EPHA5: variants seen among roughly 807,000 people sequenced by gnomAD.
EPHA5 encodes the protein EPH receptor A5.
EPHA5 carries 60 observed loss-of-function variants against 105.0 expected under a neutral mutation model. The ratio of observed to expected loss-of-function variants is 0.57; its 90% CI spans 0.46 to 0.71. The LOEUF (loss-of-function observed/expected upper bound fraction) is 0.71, where lower values mean the gene tolerates loss of function less well. EPHA5 is among the 30% of genes least tolerant of loss of function. The pLI, the probability that EPHA5 is intolerant of heterozygous loss-of-function variation, is 0.00. For synonymous variants in EPHA5, 513 were observed against 449.1 expected (o/e 1.14, Z -1.80); for missense variants, 1,218 against 1,274.7 (o/e 0.96, Z 0.68).
chr4:65,609,606 A>G (rs1233786408), intron 2 of EPHA5, among the ~76,000 whole-genome samples: 2 of 102,062 alleles, frequency 2.0e-5, no homozygotes, highest in Non-Finnish European at 5.2e-5. Flanking sequence ...ATGGCAAGCT[A>G]GATATTTTTT....
chr4:65,428,129 G>A (rs1026619658), intron 5 of EPHA5, among the ~76,000 whole-genome samples: 6 of 151,932 alleles, frequency 3.9e-5, no homozygotes, highest in Admixed American at 2.6e-4. Flanking sequence ...TTGTTTTGGG[G>A]TACATATTAG....
chr4:65,340,143 T>C (rs1015085498), intron 14 of EPHA5, among the ~76,000 whole-genome samples: 9 of 152,102 alleles, frequency 5.9e-5, no homozygotes, highest in Non-Finnish European at 1.2e-4. Context: ...GTAGAAATAT[T>C]CTAAAAATAT....
chr4:65,573,460 TG>T, intron 3 of EPHA5: 1 of 1,243,420 alleles, frequency 8.0e-7, no homozygotes, highest in East Asian at 2.5e-5. Flanking sequence ...TCTTGCAAGA[TG>T]GCGGGTGAAA....
intron 8 of EPHA5, among the ~76,000 whole-genome samples, chr4:65,376,669 G>A (rs537332836): frequency 6.6e-6 from 1 of 152,002 alleles, no homozygotes; most frequent in South Asian, 2.1e-4. Flanking sequence ...CTACTTCCAC[G>A]TGTGACATGA....
At chr4:65,614,856 AAAGT>A in intron 2 of EPHA5, among the ~76,000 whole-genome samples, 2 of 151,990 alleles carry the variant, frequency 1.3e-5, no homozygotes, top group South Asian at 4.1e-4. Flanking sequence ...TACATATGCC[AAAGT>A]AAGTCTGAAA....
intron 2 of EPHA5, among the ~76,000 whole-genome samples, chr4:65,638,166 T>C (rs1747321530): frequency 1.3e-5 from 2 of 152,306 alleles, no homozygotes; most frequent in African/African-American, 2.4e-5. Flanking sequence ...TGAATATTCA[T>C]ACAATTGCTT....
intron 1 of EPHA5, among the ~76,000 whole-genome samples, chr4:65,652,277 C>T (rs1578695341): frequency 6.6e-6 from 1 of 152,122 alleles, no homozygotes; most frequent in Non-Finnish European, 1.5e-5. Context: ...ATAGAGAATA[C>T]TCATTAGTTC....
At chr4:65,423,315 G>GT (rs1724111139) in intron 5 of EPHA5, among the ~76,000 whole-genome samples, 1 of 151,802 alleles carries the variant, frequency 6.6e-6, no homozygotes, top group Admixed American at 6.6e-5. Context: ...GTGACATAGG[G>GT]TTTACTGTTC....
intron 5 of EPHA5, among the ~76,000 whole-genome samples, chr4:65,434,772 A>C (rs936260271): frequency 3.3e-5 from 5 of 152,182 alleles, no homozygotes; most frequent in Non-Finnish European, 7.4e-5. Flanking sequence ...TTGCTGCTTC[A>C]CATAATGTTG....
At chr4:65,576,054 G>GAAAAGA (rs1267879980) in intron 3 of EPHA5, among the ~76,000 whole-genome samples, 1 of 81,580 alleles carries the variant, frequency 1.2e-5, no homozygotes, top group African/African-American at 4.9e-5. Context: ...AAGAAAGAAA[G>GAAAAGA]AAAGAAAAGA....
At chr4:65,394,235 G>A (rs1560488676) in intron 8 of EPHA5, among the ~76,000 whole-genome samples, 1 of 152,134 alleles carries the variant, frequency 6.6e-6, no homozygotes, top group Admixed American at 6.6e-5. Context: ...TCATATTTCT[G>A]ATAGTTTCTA....
At chr4:65,335,068 C>T (rs1721040052) in intron 15 of EPHA5, among the ~76,000 whole-genome samples, 1 of 151,858 alleles carries the variant, frequency 6.6e-6, no homozygotes, top group Admixed American at 6.6e-5. Flanking sequence ...AATGTTATGT[C>T]AGAATCATAG....
At chr4:65,639,558 A>G (rs1747455146) in intron 2 of EPHA5, among the ~76,000 whole-genome samples, 1 of 152,188 alleles carries the variant, frequency 6.6e-6, no homozygotes, top group Non-Finnish European at 1.5e-5. Flanking sequence ...TGATGTGTCT[A>G]GCTGTGAATC....
chr4:65,403,848 T>C (rs993700335), intron 8 of EPHA5, among the ~76,000 whole-genome samples: 23 of 152,148 alleles, frequency 1.5e-4, no homozygotes, highest in Non-Finnish European at 2.5e-4. Flanking sequence ...CAGGTTGAAA[T>C]CACTTAGAAG....
chr4:65,622,607 G>A (rs1019533099), intron 2 of EPHA5, among the ~76,000 whole-genome samples: 24 of 151,912 alleles, frequency 1.6e-4, no homozygotes, highest in African/African-American at 5.8e-4. Context: ...TCTTTATTTA[G>A]GGAATATATG....
At chr4:65,598,532 T>C (rs1743397857) in intron 3 of EPHA5, among the ~76,000 whole-genome samples, 1 of 152,134 alleles carries the variant, frequency 6.6e-6, no homozygotes, top group Non-Finnish European at 1.5e-5. Context: ...ACTCCTGCCA[T>C]CAAGGTGTAT....
At chr4:65,467,957 A>G (rs1728875605) in intron 5 of EPHA5, among the ~76,000 whole-genome samples, 1 of 152,208 alleles carries the variant, frequency 6.6e-6, no homozygotes. Context: ...TCTTTCCTCT[A>G]GAACCTAGAA....
At chr4:65,347,618 G>C (rs1451181) in intron 14 of EPHA5, among the ~76,000 whole-genome samples, 1 of 151,888 alleles carries the variant, frequency 6.6e-6, no homozygotes, top group Non-Finnish European at 1.5e-5. Flanking sequence ...TTAAAGAAAC[G>C]TAGACTATTC....
At chr4:65,424,127 T>G (rs1467104648) in intron 5 of EPHA5, among the ~76,000 whole-genome samples, 1 of 151,994 alleles carries the variant, frequency 6.6e-6, no homozygotes, top group African/African-American at 2.4e-5. Context: ...ATGTCTAGTA[T>G]GTACTGAATT....
Sources: allele counts gnomAD v4.1 joint callset (sites outside exome capture counted in the v4.1 genomes callset), GRCh38; gene constraint gnomAD v4.1.1; transcripts MANE v1.5; gene names NCBI Gene and HGNC (gene_info 2026-07-23, HGNC 2026-07-21).